Variants in PALS2 observed in about 807,000 individuals in gnomAD.
PALS2 encodes protein associated with LIN7 2, MAGUK p55 family member, also known as protein PALS2.
In PALS2, 27 loss-of-function variants were observed where a neutral mutation model predicts 61.6. That is an observed-to-expected ratio of 0.44 (90% CI 0.32 to 0.60). PALS2 has a LOEUF of 0.60. PALS2 is among the 20% of genes least tolerant of loss of function. The pLI is 0.05. For synonymous variants in PALS2, 236 were observed against 218.6 expected, an observed-to-expected ratio of 1.08 and a Z score of -0.70; for missense variants, 554 against 639.4, an observed-to-expected ratio of 0.87 and a Z score of 1.44.
At chr7:24,652,818 G>A (rs188223107) in intron 5 of PALS2, among the ~76,000 whole-genome samples, 1 of 152,200 alleles carries the variant, frequency 6.6e-6, no homozygotes, top group East Asian at 1.9e-4. Flanking sequence ...TCCCTACCAC[G>A]GTAATGTTTT....
At chr7:24,593,152 G>A (rs1261078633) in intron 1 of PALS2, among the ~76,000 whole-genome samples, 1 of 152,060 alleles carries the variant, frequency 6.6e-6, no homozygotes, top group Admixed American at 6.6e-5. Flanking sequence ...ATCTTCACCA[G>A]GAGTAGATTC....
intron 1 of PALS2, among the ~76,000 whole-genome samples, chr7:24,587,022 T>A (rs1783091747): frequency 1.3e-5 from 2 of 148,558 alleles, no homozygotes; most frequent in Non-Finnish European, 3.0e-5. Flanking sequence ...CCTGGTCTTG[T>A]TTAAAGGATT....
At chr7:24,679,759 C>G (rs538659779) in intron 10 of PALS2, among the ~76,000 whole-genome samples, 1 of 152,204 alleles carries the variant, frequency 6.6e-6, no homozygotes, top group South Asian at 2.1e-4. Flanking sequence ...TGTCACCTAC[C>G]CCTTCCCACT....
rs1465930380 is a variant in PALS2, at chr7:24,691,207, T to C, written c.*3593T>C. The C allele has an allele frequency of 6.6e-6, 1 of 151,812 alleles. No individual in the cohort carries two copies. Among genetic ancestry groups the C allele is most frequent in the Admixed American group, 6.6e-5 (1 of 15,240 alleles). The allele number at this position is 151,812 out of a possible 1,614,324, so 9.4% of individuals were successfully genotyped here. A position where few individuals can be genotyped will look rare whatever the true frequency, so the allele number is the denominator to read the frequency against. ...TTTTGAAAATTGCTCAAAATAATAA[T>C]CTACTTAAATTTTACTTTTGTAACT... On this transcript the variant is annotated 3_prime_UTR_variant, in exon 12 of 12. Coordinates refer to ENST00000222644, the MANE Select transcript of PALS2 (RefSeq NM_001303037.2).
At chr7:24,636,337 C>T (rs757139814) in intron 2 of PALS2, among the ~76,000 whole-genome samples, 1 of 151,660 alleles carries the variant, frequency 6.6e-6, no homozygotes, top group African/African-American at 2.4e-5. Context: ...TTCTCATTAG[C>T]ATGATGTGTT....
chr7:24,628,049 G>C (rs924510701), intron 2 of PALS2, among the ~76,000 whole-genome samples: 1 of 152,106 alleles, frequency 6.6e-6, no homozygotes, highest in African/African-American at 2.4e-5. Context: ...AACAAAACCT[G>C]GCAGAGACAC....
At chr7:24,660,016 A>G (rs1263040168) in intron 5 of PALS2, among the ~76,000 whole-genome samples, 1 of 152,178 alleles carries the variant, frequency 6.6e-6, no homozygotes, top group Non-Finnish European at 1.5e-5. Flanking sequence ...CCCTCTCTGC[A>G]GTTAGCTGGG....
intron 1 of PALS2, among the ~76,000 whole-genome samples, chr7:24,615,019 A>T (rs1371749087): frequency 6.6e-6 from 1 of 152,014 alleles, no homozygotes; most frequent in Non-Finnish European, 1.5e-5. Context: ...AAAACATGGA[A>T]TTTCAACCAC....
At chr7:24,639,974 G>A (rs549165851) in intron 2 of PALS2, among the ~76,000 whole-genome samples, 2 of 151,812 alleles carry the variant, frequency 1.3e-5, no homozygotes, top group Admixed American at 1.3e-4. Flanking sequence ...CCACCACCAT[G>A]CCTGCCTAAT....
chr7:24,648,649 A>T (rs1463028782), intron 3 of PALS2, among the ~76,000 whole-genome samples: 1 of 152,092 alleles, frequency 6.6e-6, no homozygotes, highest in Non-Finnish European at 1.5e-5. Context: ...TTTAGTATTA[A>T]TTAAGAAATT....
chr7:24,636,110 G>A (rs1405365153), intron 2 of PALS2, among the ~76,000 whole-genome samples: 1 of 151,624 alleles, frequency 6.6e-6, no homozygotes, highest in Non-Finnish European at 1.5e-5. Flanking sequence ...TACTCAGGAG[G>A]CTGAGGCAGG....
intron 2 of PALS2, among the ~76,000 whole-genome samples, chr7:24,635,983 G>A (rs560789071): frequency 3.3e-5 from 5 of 152,040 alleles, no homozygotes; most frequent in South Asian, 2.1e-4. Flanking sequence ...AGGCTGAGGC[G>A]GGCGGATCAC....
chr7:24,636,633 T>A (rs977771129), intron 2 of PALS2, among the ~76,000 whole-genome samples: 6 of 152,198 alleles, frequency 3.9e-5, no homozygotes, highest in African/African-American at 1.4e-4. Context: ...AACGTCACAT[T>A]GTACACCATA....
At chr7:24,607,795 A>G (rs1783972840) in intron 1 of PALS2, among the ~76,000 whole-genome samples, 1 of 152,012 alleles carries the variant, frequency 6.6e-6, no homozygotes, top group Non-Finnish European at 1.5e-5. Context: ...ATTTTGATGC[A>G]TGCATACAAT....
At chr7:24,676,964 G>A (rs966095476) in intron 9 of PALS2, among the ~76,000 whole-genome samples, 6 of 151,026 alleles carry the variant, frequency 4.0e-5, no homozygotes, top group African/African-American at 7.4e-5. Flanking sequence ...AATTACCTTG[G>A]GCAGTATGGC....
chr7:24,577,460 G>A lies in PALS2; in HGVS notation c.-3+3867G>A, dbSNP rs375284451. ...GACAATATAATGAATATTTCATAAA[G>A]CTCAAGTTATTTTCAGATCCTTTCT... is the stretch of plus-strand genomic sequence containing the variant. On this transcript the variant is annotated intron_variant, in intron 1 of 11. Coordinates refer to ENST00000222644, the MANE Select transcript of PALS2 (RefSeq NM_001303037.2). Among the ~76,000 whole-genome samples the A allele has an allele frequency of 5.3e-4, 81 of 152,156 alleles. 3 individuals carry two copies. The South Asian group carries it at 0.017, about 32-fold the overall frequency.
chr7:24,672,354 A>G (rs1261610061), intron 9 of PALS2, among the ~76,000 whole-genome samples: 1 of 151,620 alleles, frequency 6.6e-6, no homozygotes, highest in Admixed American at 6.6e-5. Flanking sequence ...CAGCCTCCCC[A>G]GTAGCTGGGA....
At chr7:24,594,141 C>T (rs1385683852) in intron 1 of PALS2, among the ~76,000 whole-genome samples, 1 of 152,040 alleles carries the variant, frequency 6.6e-6, no homozygotes, top group Non-Finnish European at 1.5e-5. Context: ...TGACGTCTTT[C>T]CATAGACCTC....
intron 1 of PALS2, among the ~76,000 whole-genome samples, chr7:24,611,718 TAAA>T (rs1784119096): frequency 6.6e-6 from 1 of 151,962 alleles, no homozygotes; most frequent in Non-Finnish European, 1.5e-5. Context: ...ATTTTGCCCT[TAAA>T]GAATGAGTGT....
Sources: gnomAD v4.1 joint callset for allele counts (sites outside exome capture counted in the v4.1 genomes callset) on GRCh38, gnomAD v4.1.1 for gene constraint, MANE v1.5 for transcripts, NCBI Gene and HGNC (gene_info 2026-07-23, HGNC 2026-07-21) for gene names.